The following ITGAV variants were observed in gnomAD, a reference collection of about 807,000 sequenced individuals.
ITGAV encodes the protein integrin subunit alpha V.
Under a neutral mutation model 143.8 loss-of-function variants are expected in ITGAV, and 76 were observed. The ratio of observed to expected loss-of-function variants is 0.53; its 90% CI spans 0.44 to 0.64. ITGAV has a LOEUF of 0.64. Ranked by LOEUF, ITGAV falls within the 30% of genes least tolerant of loss-of-function variation. The probability of loss-of-function intolerance (pLI) is 0.00; values close to 1 mark genes in which losing one functional copy is unlikely to be tolerated. For missense variants in ITGAV, 1,193 were observed against 1,274.7 expected (o/e 0.94, Z 0.98); for synonymous variants, 453 against 446.7 (o/e 1.01, Z -0.18).
At chr2:186,635,917 A>G (rs1026907883) in intron 6 of ITGAV, among the ~76,000 whole-genome samples, 165 bp from the exon 7 acceptor site, 1 of 152,214 alleles carries the variant, frequency 6.6e-6, no homozygotes, top group Non-Finnish European at 1.5e-5. Context: ...TTAAGTTAAG[A>G]ATATCCATTT....
chr2:186,648,328 A>C (rs1437072561), intron 13 of ITGAV, among the ~76,000 whole-genome samples: 1 of 152,184 alleles, frequency 6.6e-6, no homozygotes. Flanking sequence ...GTTTTTGTCA[A>C]CTTTTTAAAG....
chr2:186,643,746 G>C (rs963966185), intron 12 of ITGAV, among the ~76,000 whole-genome samples: 1 of 152,162 alleles, frequency 6.6e-6, no homozygotes, highest in African/African-American at 2.4e-5. Flanking sequence ...GCAGGAAAGA[G>C]CATCTAAAAT....
intron 6 of ITGAV, among the ~76,000 whole-genome samples, chr2:186,634,598 A>T (rs1291557422): frequency 6.6e-6 from 1 of 152,204 alleles, no homozygotes; most frequent in East Asian, 1.9e-4. Flanking sequence ...AAAGGAGGGA[A>T]TAAAAAAATA....
chr2:186,601,069 T>G (rs1686890443), intron 1 of ITGAV, among the ~76,000 whole-genome samples: 3 of 152,028 alleles, frequency 2.0e-5, no homozygotes, highest in Non-Finnish European at 4.4e-5. Flanking sequence ...CTTTTATGAA[T>G]GAATAGAAAA....
At chr2:186,600,316 C>G (rs764945181) in intron 1 of ITGAV, 1 of 1,543,232 alleles carries the variant, frequency 6.5e-7, no homozygotes, top group East Asian at 2.4e-5. Context: ...CCCCACTCCC[C>G]TCCATCCTCA....
At chr2:186,609,639 GCTT>G (rs1211538516) in intron 2 of ITGAV, among the ~76,000 whole-genome samples, 1 of 152,144 alleles carries the variant, frequency 6.6e-6, no homozygotes, top group Non-Finnish European at 1.5e-5. Context: ...TTTGAAGAAG[GCTT>G]CCTAGATTAG....
intron 2 of ITGAV, among the ~76,000 whole-genome samples, chr2:186,619,111 TTATA>T (rs35908821): frequency 2.0e-5 from 3 of 147,234 alleles, no homozygotes; most frequent in Admixed American, 6.8e-5. Flanking sequence ...ATAGTATATT[TTATA>T]TATATATATA....
chr2:186,672,868 T>G (rs1386163494), intron 26 of ITGAV, among the ~76,000 whole-genome samples: 1 of 152,226 alleles, frequency 6.6e-6, no homozygotes, highest in Non-Finnish European at 1.5e-5. Flanking sequence ...CTGTGTGAAC[T>G]GTCTTTTTAC....
chr2:186,624,470 A>G (rs1329848781), intron 3 of ITGAV, among the ~76,000 whole-genome samples: 2 of 152,136 alleles, frequency 1.3e-5, no homozygotes, highest in Non-Finnish European at 2.9e-5. Context: ...GGAGTAAGGA[A>G]AAGGAGCAAG....
At chr2:186,612,642 AATATAAAACATTT>A (rs1687247024) in intron 2 of ITGAV, among the ~76,000 whole-genome samples, 1 of 152,134 alleles carries the variant, frequency 6.6e-6, no homozygotes, top group Non-Finnish European at 1.5e-5. Flanking sequence ...TTTAATAGAG[AATATAAAACATTT>A]AGCTGTTTTC....
intron 1 of ITGAV, among the ~76,000 whole-genome samples, chr2:186,598,696 T>G (rs182812743): frequency 8.7e-4 from 133 of 152,232 alleles, no homozygotes; most frequent in African/African-American, 2.4e-3. Flanking sequence ...CCCAAAGTGT[T>G]GGGATTGCAG....
chr2:186,621,207 G>A (rs1336162874), intron 2 of ITGAV, among the ~76,000 whole-genome samples: 1 of 152,098 alleles, frequency 6.6e-6, no homozygotes, highest in Non-Finnish European at 1.5e-5. Flanking sequence ...AAAAATTATT[G>A]TGAAAATTTT....
At chr2:186,665,271 T>C (rs978517759) in intron 21 of ITGAV, 53 bp downstream of exon 21, 1 of 1,134,842 alleles carries the variant, frequency 8.8e-7, no homozygotes, top group East Asian at 2.3e-5. Context: ...GAAAAGCATA[T>C]TGTTGTCTGG....
At chr2:186,640,016 A>G (rs1688058086) in intron 10 of ITGAV, among the ~76,000 whole-genome samples, 3 of 152,222 alleles carry the variant, frequency 2.0e-5, no homozygotes, top group Admixed American at 2.0e-4. Context: ...CAAAATAGAT[A>G]ATGCAGGAAT....
At chr2:186,645,165 G>C (rs1223252026) in intron 12 of ITGAV, among the ~76,000 whole-genome samples, 1 of 152,146 alleles carries the variant, frequency 6.6e-6, no homozygotes, top group African/African-American at 2.4e-5. Context: ...TAGAAGGCAA[G>C]GTAATATAAT....
chr2:186,648,632 T>C (rs893828218), intron 13 of ITGAV, among the ~76,000 whole-genome samples: 1 of 151,760 alleles, frequency 6.6e-6, no homozygotes, highest in African/African-American at 2.4e-5. Context: ...GCACAGCTAA[T>C]TTTTGTATTT....
intron 25 of ITGAV, 74 bp downstream of exon 25, chr2:186,668,994 C>A: frequency 7.6e-7 from 1 of 1,320,044 alleles, no homozygotes; most frequent in Non-Finnish European, 1.0e-6. Flanking sequence ...AAAAGAAATT[C>A]ATAAAATAAA....
chr2:186,653,969 A>T (rs1688513213), intron 15 of ITGAV, among the ~76,000 whole-genome samples: 1 of 152,220 alleles, frequency 6.6e-6, no homozygotes, highest in African/African-American at 2.4e-5. Flanking sequence ...ATTGTGAAGA[A>T]CACTGCTGTA....
At chr2:186,618,722 GAAAAA>G (rs1687437599) in intron 2 of ITGAV, among the ~76,000 whole-genome samples, 1 of 137,584 alleles carries the variant, frequency 7.3e-6, no homozygotes, top group African/African-American at 2.6e-5. Context: ...TAATAATTGA[GAAAAA>G]ATGCTTAGCA....
Sources: allele counts gnomAD v4.1 joint callset (sites outside exome capture counted in the v4.1 genomes callset), GRCh38; gene constraint gnomAD v4.1.1; transcripts MANE v1.5; gene names NCBI Gene and HGNC (gene_info 2026-07-23, HGNC 2026-07-21).